Variants in RIMS2 observed in about 807,000 individuals in gnomAD.
The protein encoded by RIMS2 is regulating synaptic membrane exocytosis protein 2.
In RIMS2, 59 loss-of-function variants were observed where a neutral mutation model predicts 174.4. That is an observed-to-expected ratio of 0.34 (90% CI 0.27 to 0.42). The LOEUF is 0.42. RIMS2 is among the 10% of genes least tolerant of loss of function. The pLI is 1.00. For synonymous variants in RIMS2, 606 were observed against 572.5 expected, an observed-to-expected ratio of 1.06 and a Z score of -0.84; for missense variants, 1,620 against 1,666.3, an observed-to-expected ratio of 0.97 and a Z score of 0.48.
At chr8:104,112,305 C>G (rs1458934758) in intron 19 of RIMS2, among the ~76,000 whole-genome samples, 1 of 151,990 alleles carries the variant, frequency 6.6e-6, no homozygotes, top group Non-Finnish European at 1.5e-5. Flanking sequence ...ATGATTTTAA[C>G]AAATAATAAT....
chr8:103,588,315 T>G (rs1334524253), intron 1 of RIMS2, among the ~76,000 whole-genome samples: 1 of 151,486 alleles, frequency 6.6e-6, no homozygotes, highest in Non-Finnish European at 1.5e-5. Flanking sequence ...TGTTAAAAGG[T>G]CTACCCAAAA....
At chr8:104,226,490 G>A (rs1563867978) in intron 19 of RIMS2, among the ~76,000 whole-genome samples, 1 of 152,146 alleles carries the variant, frequency 6.6e-6, no homozygotes, top group Non-Finnish European at 1.5e-5. Flanking sequence ...TTTATTGGGG[G>A]TATTTGATGT....
chr8:103,696,829 C>T (rs1310398283), intron 1 of RIMS2, among the ~76,000 whole-genome samples: 1 of 121,196 alleles, frequency 8.3e-6, no homozygotes, highest in East Asian at 2.5e-4. Context: ...CGTCACTGCA[C>T]TTTAGCCTGG....
chr8:104,249,178 C>T (rs2099350906), intron 21 of RIMS2, among the ~76,000 whole-genome samples: 1 of 151,950 alleles, frequency 6.6e-6, no homozygotes, highest in African/African-American at 2.4e-5. Context: ...AGCGATCCTC[C>T]TGCCTCCACC....
At chr8:104,106,489 T>C (rs1566438512) in intron 19 of RIMS2, among the ~76,000 whole-genome samples, 1 of 152,182 alleles carries the variant, frequency 6.6e-6, no homozygotes, top group East Asian at 1.9e-4. Flanking sequence ...ATTACTACTA[T>C]TGATTAATTT....
chr8:103,711,645 A>C (rs1156505260), intron 2 of RIMS2, among the ~76,000 whole-genome samples: 2 of 152,188 alleles, frequency 1.3e-5, no homozygotes, highest in African/African-American at 4.8e-5. Flanking sequence ...CTGTAATCAC[A>C]GCACTTTCGG....
At chr8:103,618,608 A>C (rs754277307) in intron 1 of RIMS2, among the ~76,000 whole-genome samples, 5 of 152,226 alleles carry the variant, frequency 3.3e-5, no homozygotes, top group African/African-American at 1.2e-4. Flanking sequence ...ACTTTTGTCT[A>C]TCCATCCCAT....
intron 3 of RIMS2, among the ~76,000 whole-genome samples, chr8:103,778,342 C>T (rs2098342235): frequency 6.6e-6 from 1 of 152,026 alleles, no homozygotes; most frequent in South Asian, 2.1e-4. Context: ...ACTGATCTAT[C>T]AAACACTAGG....
intron 12 of RIMS2, among the ~76,000 whole-genome samples, chr8:103,934,699 CTT>C (rs398068108): frequency 1.6e-4 from 22 of 139,914 alleles, no homozygotes; most frequent in Admixed American, 2.1e-4. Flanking sequence ...ATAAACCATT[CTT>C]TTTTTTTTTT....
At chr8:103,523,566 A>G (rs1051269404) in intron 1 of RIMS2, among the ~76,000 whole-genome samples, 2 of 152,162 alleles carry the variant, frequency 1.3e-5, no homozygotes, top group African/African-American at 4.8e-5. Flanking sequence ...ATTTGGCTTT[A>G]TTCTAATTAT....
intron 3 of RIMS2, among the ~76,000 whole-genome samples, chr8:103,785,660 G>A (rs1456102952): frequency 4.9e-4 from 75 of 152,158 alleles, no homozygotes; most frequent in African/African-American, 1.5e-3. Context: ...TGTGCTGCTG[G>A]ATTCGTTTAG....
chr8:104,215,445 T>G (rs1053003621), intron 19 of RIMS2, among the ~76,000 whole-genome samples: 1 of 152,178 alleles, frequency 6.6e-6, no homozygotes, highest in Non-Finnish European at 1.5e-5. Flanking sequence ...AAATAATAAA[T>G]AAGGAAAAGT....
intron 19 of RIMS2, among the ~76,000 whole-genome samples, chr8:104,197,438 A>G (rs921359288): frequency 1.3e-5 from 2 of 152,108 alleles, no homozygotes; most frequent in Admixed American, 1.3e-4. Flanking sequence ...GGGTCTCCCA[A>G]AGTTCTAGGA....
chr8:103,605,128 C>T (rs2094986303), intron 1 of RIMS2, among the ~76,000 whole-genome samples: 1 of 42,114 alleles, frequency 2.4e-5, no homozygotes, highest in Non-Finnish European at 3.8e-5. Flanking sequence ...ATGATATTGG[C>T]TGTGGGTTTG....
chr8:103,943,010 C>T, intron 14 of RIMS2, 84 bp downstream of exon 16: 1 of 971,312 alleles, frequency 1.0e-6, no homozygotes. Flanking sequence ...TTGAAGATAT[C>T]TTTGTGAATA....
intron 1 of RIMS2, among the ~76,000 whole-genome samples, chr8:103,578,415 C>T (rs114277603): frequency 0.031 from 4,719 of 152,152 alleles, 219 homozygotes; most frequent in African/African-American, 0.11. Context: ...CCTGTAATCC[C>T]AGCTACTCGG....
chr8:104,181,960 A>C (rs895358920), intron 19 of RIMS2, among the ~76,000 whole-genome samples: 2 of 151,734 alleles, frequency 1.3e-5, no homozygotes, highest in Non-Finnish European at 3.0e-5. Context: ...AGAATGGTAA[A>C]ATATCCTTTC....
intron 19 of RIMS2, among the ~76,000 whole-genome samples, chr8:104,145,174 G>T: frequency 6.6e-6 from 1 of 151,874 alleles, no homozygotes; most frequent in East Asian, 1.9e-4. Context: ...TATCATTATA[G>T]CTAAATCTGT....
At chr8:103,599,203 G>C (rs28497553) in intron 1 of RIMS2, among the ~76,000 whole-genome samples, 26,598 of 151,176 alleles carry the variant, frequency 0.18, 2,517 homozygotes, top group African/African-American at 0.23. Flanking sequence ...ATCTGTATTT[G>C]GATTTTATTC....
Sources: allele counts gnomAD v4.1 joint callset (sites outside exome capture counted in the v4.1 genomes callset), GRCh38; gene constraint gnomAD v4.1.1; transcripts MANE v1.5; gene names NCBI Gene and HGNC (gene_info 2026-07-23, HGNC 2026-07-21).